The following DGLUCY variants were observed in gnomAD, a reference collection of about 807,000 sequenced individuals.
DGLUCY encodes D-glutamate cyclase, mitochondrial.
Under a neutral mutation model 58.5 loss-of-function variants are expected in DGLUCY, and 58 were observed. The observed-to-expected ratio is 0.99, with a 90% CI of 0.80 to 1.23. The LOEUF (loss-of-function observed/expected upper bound fraction) is 1.23. Ranked by LOEUF, DGLUCY falls within the 50% of genes most tolerant of loss-of-function variation. DGLUCY has a pLI of 0.00. For synonymous variants in DGLUCY, 325 were observed against 314.1 expected, an observed-to-expected ratio of 1.03 and a Z score of -0.37; for missense variants, 779 against 784.7, an observed-to-expected ratio of 0.99 and a Z score of 0.09.
At position 91,125,065 on chromosome 14, in the gene DGLUCY, A is replaced by G. The variant is rs540728341; in HGVS notation, c.-82+10782A>G. On this transcript the variant is annotated intron_variant, in intron 1 of 13. Coordinates refer to ENST00000256324, the MANE Select transcript of DGLUCY (RefSeq NM_001102368.3). ...TTAAAAGGTTCTAAGTTGCCAGCCA[A>G]TTGGGACAAATACAGGATCTGAGGT... Among the ~76,000 whole-genome samples the G allele has an allele frequency of 3.9e-5, 6 of 152,258 alleles. No individual in the cohort carries two copies. In the East Asian group the frequency reaches 9.6e-4, roughly 24 times the overall value.
chr14:91,083,718 G>GTT (rs569715493), intron 1 of DGLUCY, among the ~76,000 whole-genome samples: 7 of 151,062 alleles, frequency 4.6e-5, no homozygotes, highest in Non-Finnish European at 8.9e-5. Context: ...TGTTTTTCTG[G>GTT]TTTTTTTTTA....
chr14:91,109,672 G>C (rs191099421), upstream of DGLUCY, among the ~76,000 whole-genome samples: 197 of 152,276 alleles, frequency 1.3e-3, no homozygotes, highest in African/African-American at 4.3e-3. Context: ...GGCAGAGAAA[G>C]AGAGAAAGGA....
intron 1 of DGLUCY, among the ~76,000 whole-genome samples, chr14:91,157,094 A>ATGG (rs2047667118): frequency 2.0e-4 from 20 of 100,422 alleles, no homozygotes; most frequent in African/African-American, 3.5e-4. Context: ...TGGATGGATG[A>ATGG]ATGGGTGGAT....
At chr14:91,135,039 T>C (rs1456692337) in intron 1 of DGLUCY, among the ~76,000 whole-genome samples, 2 of 151,782 alleles carry the variant, frequency 1.3e-5, no homozygotes, top group African/African-American at 4.8e-5. Context: ...ATCCTCCCAC[T>C]AGCCTCCCGA....
At chr14:91,060,750 C>G (rs1404672112) in intron 1 of DGLUCY, 1 of 239,974 alleles carries the variant, frequency 4.2e-6, no homozygotes, top group African/African-American at 2.2e-5. Flanking sequence ...ACACAGGGCG[C>G]GCGCGTCTGC....
At chr14:91,177,825 T>C (rs2048947059) in intron 7 of DGLUCY, among the ~76,000 whole-genome samples, 1 of 152,252 alleles carries the variant, frequency 6.6e-6, no homozygotes, top group Non-Finnish European at 1.5e-5. Context: ...TTTAAGTGCA[T>C]GTGTTGAGAA....
intron 1 of DGLUCY, among the ~76,000 whole-genome samples, chr14:91,140,928 G>T (rs570999075): frequency 6.6e-6 from 1 of 152,218 alleles, no homozygotes; most frequent in South Asian, 2.1e-4. Flanking sequence ...GAATCCTGTA[G>T]GATTTCATGA....
chr14:91,181,927 G>A (rs145671962), intron 8 of DGLUCY, among the ~76,000 whole-genome samples: 9 of 151,590 alleles, frequency 5.9e-5, no homozygotes, highest in African/African-American at 4.8e-5. Flanking sequence ...TTACAAGCGT[G>A]AGCCACCATG....
rs1288611586 is a variant in DGLUCY at position 91,102,736 on chromosome 14, A to AGTGTGTGTGTGTGT, written c.-82+42038_-82+42039insGTGTGTGTGTGTGT. On this transcript the variant is annotated intron_variant, in intron 1 of 4. Coordinates refer to the DGLUCY transcript ENST00000521334. Reference sequence around the variant, plus strand: ...GGAGGATGCTGCTGGGACCCCTTCCAGTGTGTATGTGTGTGTGTGTGTGTG... The same window carrying AGTGTGTGTGTGTGT: ...GGAGGATGCTGCTGGGACCCCTTCCAGTGTGTGTGTGTGTGTGTGTATGTGTGTGTGTGTGTGTG... Among the ~76,000 whole-genome samples the AGTGTGTGTGTGTGT allele has an allele frequency of 6.0e-3, 364 of 60,754 alleles. 4 individuals carry two copies. The highest frequency in any genetic ancestry group is 0.012 in the African/African-American group (244 of 19,912). The allele number at this position is 60,754 out of a possible 152,430, so 39.9% of individuals were successfully genotyped here.
At chr14:91,144,845 A>G (rs550727810) in intron 1 of DGLUCY, among the ~76,000 whole-genome samples, 17 of 152,212 alleles carry the variant, frequency 1.1e-4, no homozygotes, top group Non-Finnish European at 2.5e-4. Context: ...TTGTTTGGCT[A>G]GAGCAGAGCA....
chr14:91,215,482 C>T lies in DGLUCY; in HGVS notation c.1642C>T (p.Leu548=), dbSNP rs1430444662. The change falls in exon 13 of 14, where the codon CTG becomes TTG. Residue 548 remains leucine, a synonymous_variant. Coordinates refer to ENST00000256324, the MANE Select transcript of DGLUCY (RefSeq NM_001102368.3). The part of the protein sequence containing the change: ...LYSCAVHSQY[L]RKAVGPSRAP... ...CTCATGTGCTGTCCACAGTCAGTACCTGAGGAAAGCAGTCGGACCCTCCAG... is the reference window on the plus strand; with the variant it reads ...CTCATGTGCTGTCCACAGTCAGTACTTGAGGAAAGCAGTCGGACCCTCCAG... 1.9e-6 allele frequency: 3 copies of T among 1,614,244 alleles called. No individual in the cohort carries two copies. In the South Asian group the frequency reaches 3.3e-5, roughly 18 times the overall value.
At chr14:91,065,121 G>GAT in intron 1 of DGLUCY, among the ~76,000 whole-genome samples, 1 of 152,172 alleles carries the variant, frequency 6.6e-6, no homozygotes. Flanking sequence ...TGTGCTGAGT[G>GAT]ATAGGAGGGA....
chr14:91,144,843 C>G (rs1482900307), intron 1 of DGLUCY, among the ~76,000 whole-genome samples: 1 of 152,076 alleles, frequency 6.6e-6, no homozygotes, highest in African/African-American at 2.4e-5. Flanking sequence ...ATTTGTTTGG[C>G]TAGAGCAGAG....
chr14:91,076,604 C>A (rs1238018796), intron 1 of DGLUCY, among the ~76,000 whole-genome samples: 1 of 152,004 alleles, frequency 6.6e-6, no homozygotes, highest in Non-Finnish European at 1.5e-5. Flanking sequence ...TGGAAAAGGG[C>A]AAGTGCTCAA....
intron 4 of DGLUCY, among the ~76,000 whole-genome samples, chr14:91,168,315 C>G (rs931954324): frequency 1.3e-5 from 1 of 76,930 alleles, no homozygotes; most frequent in African/African-American, 5.4e-5. Flanking sequence ...CTTCTTATGG[C>G]TTGGACCTCA....
At chr14:91,121,611 AT>A (rs1161244332) in intron 1 of DGLUCY, among the ~76,000 whole-genome samples, 11 of 9,990 alleles carry the variant, frequency 1.1e-3, no homozygotes, top group Middle Eastern at 0.071. Context: ...CATCTCAAAA[AT>A]AATAATAATA....
intron 12 of DGLUCY, among the ~76,000 whole-genome samples, chr14:91,211,333 C>G (rs1451571221): frequency 2.4e-4 from 37 of 152,102 alleles, no homozygotes; most frequent in Non-Finnish European, 2.9e-5. Context: ...CAACCTGATT[C>G]TAAAGTTTAT....
chr14:91,117,379 G>A (rs973920569), intron 1 of DGLUCY, among the ~76,000 whole-genome samples: 1 of 152,144 alleles, frequency 6.6e-6, no homozygotes. Context: ...TGGGAATGCA[G>A]CCCAGTAAGT....
At chr14:91,138,114 G>C (rs903150064) in intron 1 of DGLUCY, among the ~76,000 whole-genome samples, 5 of 152,116 alleles carry the variant, frequency 3.3e-5, no homozygotes, top group Non-Finnish European at 7.4e-5. Flanking sequence ...GGTTTTTGTT[G>C]ATCCAGATAA....
Sources: allele counts gnomAD v4.1 joint callset (sites outside exome capture counted in the v4.1 genomes callset), GRCh38; gene constraint gnomAD v4.1.1; transcripts MANE v1.5; gene names NCBI Gene and HGNC (gene_info 2026-07-23, HGNC 2026-07-21).